PRKRIP1: variants seen among roughly 807,000 people sequenced by gnomAD.
The protein encoded by PRKRIP1 is PRKR-interacting protein 1.
A neutral mutation model predicts 29.3 loss-of-function variants in PRKRIP1; 29 were observed. That is an observed-to-expected ratio of 0.99 (90% confidence interval 0.74 to 1.35). The LOEUF is 1.35. Ranked by LOEUF, PRKRIP1 falls within the 40% of genes most tolerant of loss-of-function variation. The pLI, the probability that PRKRIP1 is intolerant of heterozygous loss-of-function variation, is 0.00. For synonymous variants in PRKRIP1, 90 were observed against 85.1 expected, an observed-to-expected ratio of 1.06 and a Z score of -0.32; for missense variants, 247 against 236.8, an observed-to-expected ratio of 1.04 and a Z score of -0.28.
chr7:102,414,334 A>C lies in PRKRIP1; in HGVS notation c.457+6836A>C, dbSNP rs573313789. The stretch of plus-strand genomic sequence containing the variant: ...CTCTATTCATTTTCTCTTAGTCTCC[A>C]TGTGCACATCATTTGTGTGTAGCTA... On this transcript the variant is annotated intron_variant, in intron 5 of 5. Transcript: ENST00000397912. Among the ~76,000 whole-genome samples, 6 of 152,224 alleles carry C rather than the reference A, an allele frequency of 3.9e-5. No homozygotes were observed. The South Asian group carries it at 1.2e-3, about 32-fold the overall frequency.
chr7:102,422,375 C>T (rs1796717886), intron 5 of PRKRIP1, among the ~76,000 whole-genome samples: 1 of 149,958 alleles, frequency 6.7e-6, no homozygotes, highest in Admixed American at 6.6e-5. Context: ...TTCACTCTTG[C>T]CCAGGCTAGA....
chr7:102,419,890 TG>T (rs1554573571), intron 5 of PRKRIP1, among the ~76,000 whole-genome samples: 16 of 118,824 alleles, frequency 1.3e-4, no homozygotes, highest in African/African-American at 4.8e-4. Context: ...TGTGTGTGTG[TG>T]TGTGTTTTTG....
At chr7:102,419,115 T>A (rs1314389783) in intron 5 of PRKRIP1, among the ~76,000 whole-genome samples, 5 of 152,070 alleles carry the variant, frequency 3.3e-5, no homozygotes, top group Admixed American at 3.3e-4. Context: ...AAATGACTTT[T>A]AAAATTAGCA....
intron 5 of PRKRIP1, among the ~76,000 whole-genome samples, chr7:102,424,419 C>T (rs537017038): frequency 3.9e-5 from 6 of 152,360 alleles, no homozygotes; most frequent in South Asian, 2.1e-4. Flanking sequence ...CTCCTGCTCC[C>T]GCGTGAAGAG....
intron 3 of PRKRIP1, 105 bp from the exon 4 acceptor site, chr7:102,404,493 A>AC (rs1796159607): frequency 2.3e-6 from 2 of 854,676 alleles, no homozygotes; most frequent in Non-Finnish European, 3.8e-6. Context: ...TGCCTCCGTC[A>AC]CCCCCAGTGG....
At chr7:102,398,968 A>G (rs1795992983) in intron 2 of PRKRIP1, among the ~76,000 whole-genome samples, 1 of 152,120 alleles carries the variant, frequency 6.6e-6, no homozygotes, top group African/African-American at 2.4e-5. Flanking sequence ...CTAAAAATGT[A>G]AAAATTAGCC....
intron 3 of PRKRIP1, among the ~76,000 whole-genome samples, chr7:102,401,894 C>T (rs562923547): frequency 6.6e-6 from 1 of 152,252 alleles, no homozygotes; most frequent in Non-Finnish European, 1.5e-5. Context: ...CAGAGTGAGA[C>T]TCCTTCTGAA....
At position 102,405,998 on chromosome 7, in the gene PRKRIP1, C is replaced by T. The variant is rs113670761; in HGVS notation, c.392+1315C>T. The T allele has an allele frequency of 2.3e-3, 606 of 262,698 alleles. 2 individuals are homozygous for T. Among genetic ancestry groups the T allele is most frequent in the Non-Finnish European group, 3.5e-3 (453 of 130,240 alleles). The allele number at this position is 262,698 out of a possible 1,614,324, so 16.3% of individuals were successfully genotyped here. ...TCAAAGTGCTTGAAGAAGTGGTAGT[C>T]GGTTGGCAAGAAGTCAGGTGAATAT... On this transcript the variant is annotated intron_variant, in intron 4 of 5. Coordinates refer to ENST00000397912, the MANE Select transcript of PRKRIP1 (RefSeq NM_024653.4).
At chr7:102,423,955 C>T (rs1391219795) in intron 5 of PRKRIP1, among the ~76,000 whole-genome samples, 1 of 152,254 alleles carries the variant, frequency 6.6e-6, no homozygotes, top group Admixed American at 6.5e-5. Flanking sequence ...TGCCATTGCA[C>T]CCGGCTTCCC....
chr7:102,415,846 G>GCAGCCC (rs1796521193), intron 5 of PRKRIP1, among the ~76,000 whole-genome samples: 1 of 152,242 alleles, frequency 6.6e-6, no homozygotes. Flanking sequence ...AACCCTGTCA[G>GCAGCCC]CAGCCCCAGT....
At chr7:102,403,522 A>G (rs1554571433) in intron 3 of PRKRIP1, among the ~76,000 whole-genome samples, 1 of 152,096 alleles carries the variant, frequency 6.6e-6, no homozygotes, top group African/African-American at 2.4e-5. Context: ...TTTTTGAGAC[A>G]GTCTCCCTCT....
chr7:102,421,107 T>C (rs1313846570), intron 5 of PRKRIP1, among the ~76,000 whole-genome samples: 1 of 152,174 alleles, frequency 6.6e-6, no homozygotes, highest in Non-Finnish European at 1.5e-5. Context: ...AGATCCCCTG[T>C]GGGTAACAGT....
intron 4 of PRKRIP1, among the ~76,000 whole-genome samples, chr7:102,406,158 T>C (rs1796215278): frequency 6.6e-6 from 1 of 151,846 alleles, no homozygotes; most frequent in South Asian, 2.1e-4. Context: ...GGCATTGGAG[T>C]TTTCAGTGCA....
At chr7:102,409,213 G>A (rs1796309835) in intron 5 of PRKRIP1, among the ~76,000 whole-genome samples, 1 of 152,048 alleles carries the variant, frequency 6.6e-6, no homozygotes, top group Non-Finnish European at 1.5e-5. Flanking sequence ...CCACTTCTAG[G>A]AACCACTTCC....
chr7:102,404,705 T>C (rs984168519), intron 4 of PRKRIP1, 22 bp downstream of exon 4: 1 of 1,600,570 alleles, frequency 6.2e-7, no homozygotes, highest in Non-Finnish European at 8.6e-7. Context: ...GGCCTAACTG[T>C]GATGACACTT....
At chr7:102,407,401 A>G (rs1205570948) in intron 4 of PRKRIP1, 33 bp from the exon 5 acceptor site, 1 of 1,369,622 alleles carries the variant, frequency 7.3e-7, no homozygotes, top group African/African-American at 1.4e-5. Flanking sequence ...TAATGTAGTT[A>G]AGGAATCAAT....
At chr7:102,418,240 G>A (rs1796605791) in intron 5 of PRKRIP1, among the ~76,000 whole-genome samples, 1 of 151,922 alleles carries the variant, frequency 6.6e-6, no homozygotes, top group Non-Finnish European at 1.5e-5. Context: ...AGTAGAGACA[G>A]GGTTTCACCA....
chr7:102,416,075 A>ACCTTCCT (rs1796527835), intron 5 of PRKRIP1, among the ~76,000 whole-genome samples: 1 of 151,840 alleles, frequency 6.6e-6, no homozygotes, highest in Non-Finnish European at 1.5e-5. Context: ...GCCTCTCCTC[A>ACCTTCCT]CCTTCCTCCG....
At chr7:102,418,774 A>G (rs372703960) in intron 5 of PRKRIP1, among the ~76,000 whole-genome samples, 8 of 152,158 alleles carry the variant, frequency 5.3e-5, no homozygotes, top group Non-Finnish European at 1.2e-4. Flanking sequence ...ACTAGAGGAC[A>G]TTGCTATGTG....
Sources: allele counts gnomAD v4.1 joint callset (sites outside exome capture counted in the v4.1 genomes callset), GRCh38; gene constraint gnomAD v4.1.1; transcripts MANE v1.5; gene names NCBI Gene and HGNC (gene_info 2026-07-23, HGNC 2026-07-21).